The following SCFD1 variants were observed in gnomAD, a reference collection of about 807,000 sequenced individuals.
SCFD1 encodes the protein sec1 family domain containing 1.
Under a neutral mutation model 103.2 loss-of-function variants are expected in SCFD1, and 37 were observed. The ratio of observed to expected loss-of-function variants is 0.36; its 90% CI spans 0.28 to 0.47. SCFD1 has a LOEUF of 0.47. Among genes scored for constraint, SCFD1 ranks in the 20% least tolerant of loss-of-function variants. The pLI, the probability that SCFD1 is intolerant of heterozygous loss-of-function variation, is 1.00. For synonymous variants in SCFD1, 264 were observed against 245.0 expected (o/e 1.08, Z -0.73); for missense variants, 639 against 761.2 (o/e 0.84, Z 1.89).
At chr14:30,704,720 C>A (rs1336219552) in intron 17 of SCFD1, among the ~76,000 whole-genome samples, 2 of 152,008 alleles carry the variant, frequency 1.3e-5, no homozygotes, top group African/African-American at 4.8e-5. Flanking sequence ...ATAAAATTTT[C>A]TTTAGGTACT....
intron 23 of SCFD1, among the ~76,000 whole-genome samples, chr14:30,724,442 G>A (rs538245161): frequency 6.6e-6 from 1 of 151,668 alleles, no homozygotes; most frequent in East Asian, 1.9e-4. Context: ...TAGTAGACAC[G>A]GAGTTACACC....
At chr14:30,648,827 A>T (rs1354678175) in intron 7 of SCFD1, among the ~76,000 whole-genome samples, 2 of 152,086 alleles carry the variant, frequency 1.3e-5, no homozygotes, top group African/African-American at 4.8e-5. Context: ...TTGCCAAATT[A>T]GCCAGGCTTG....
At chr14:30,720,251 G>A (rs1467743638) in intron 21 of SCFD1, among the ~76,000 whole-genome samples, 4 of 152,120 alleles carry the variant, frequency 2.6e-5, no homozygotes, top group African/African-American at 9.7e-5. Context: ...TGGCAAGAGA[G>A]AATTTGACAA....
intron 22 of SCFD1, 111 bp from the exon 23 acceptor site, chr14:30,722,383 G>C: frequency 1.5e-6 from 1 of 652,548 alleles, no homozygotes; most frequent in Non-Finnish European, 2.5e-6. Context: ...AATTAAAATA[G>C]CATCAGGGGC....
At chr14:30,677,693 T>C (rs1038498339) in intron 14 of SCFD1, among the ~76,000 whole-genome samples, 5 of 152,070 alleles carry the variant, frequency 3.3e-5, no homozygotes, top group African/African-American at 1.2e-4. Flanking sequence ...ACCATTACTA[T>C]GTTAAGCCAC....
intron 10 of SCFD1, among the ~76,000 whole-genome samples, chr14:30,667,436 T>C (rs961524426): frequency 1.3e-5 from 2 of 152,006 alleles, no homozygotes; most frequent in Non-Finnish European, 2.9e-5. Flanking sequence ...ATGACAAACC[T>C]ACAGCCAATA....
intron 1 of SCFD1, among the ~76,000 whole-genome samples, chr14:30,624,807 C>T (rs950531006): frequency 6.6e-6 from 1 of 152,058 alleles, no homozygotes; most frequent in African/African-American, 2.4e-5. Flanking sequence ...GCTTTTGGAC[C>T]TCACTCCCTA....
intron 10 of SCFD1, among the ~76,000 whole-genome samples, chr14:30,659,645 A>C (rs1449237905): frequency 6.6e-6 from 1 of 152,232 alleles, no homozygotes; most frequent in Non-Finnish European, 1.5e-5. Context: ...TTTAATAAAA[A>C]TGAACAAGCT....
At chr14:30,729,906 C>T (rs946983162) in intron 23 of SCFD1, among the ~76,000 whole-genome samples, 2 of 151,552 alleles carry the variant, frequency 1.3e-5, no homozygotes, top group African/African-American at 2.4e-5. Context: ...GTGTGCACAA[C>T]GTGCAGGTTT....
chr14:30,646,360 A>G (rs1167534312), intron 7 of SCFD1, among the ~76,000 whole-genome samples: 2 of 150,540 alleles, frequency 1.3e-5, no homozygotes, highest in Non-Finnish European at 2.9e-5. Context: ...TTTTTTCAAA[A>G]GCCTTTTCTG....
At chr14:30,693,799 GT>G (rs1890488332) in intron 14 of SCFD1, among the ~76,000 whole-genome samples, 2 of 151,976 alleles carry the variant, frequency 1.3e-5, no homozygotes, top group African/African-American at 4.8e-5. Flanking sequence ...TATAAAAATT[GT>G]TTTTATAATT....
intron 1 of SCFD1, among the ~76,000 whole-genome samples, chr14:30,623,846 G>GTA (rs1883105337): frequency 6.6e-6 from 1 of 152,050 alleles, no homozygotes; most frequent in Non-Finnish European, 1.5e-5. Flanking sequence ...GTAAATCCTT[G>GTA]TATATATATT....
At chr14:30,684,804 T>TTTC (rs71443379) in intron 14 of SCFD1, among the ~76,000 whole-genome samples, 1 of 44,278 alleles carries the variant, frequency 2.3e-5, no homozygotes, top group African/African-American at 3.4e-4. Flanking sequence ...CAATTGTTTC[T>TTTC]TTTTTTTTTT....
intron 18 of SCFD1, among the ~76,000 whole-genome samples, chr14:30,706,227 C>A (rs1378660396): frequency 6.6e-6 from 1 of 152,100 alleles, no homozygotes; most frequent in South Asian, 2.1e-4. Flanking sequence ...ATGTCTTTTA[C>A]ATGGTATGAG....
intron 6 of SCFD1, among the ~76,000 whole-genome samples, chr14:30,642,866 T>C (rs1885422039): frequency 6.6e-6 from 1 of 152,154 alleles, no homozygotes; most frequent in African/African-American, 2.4e-5. Flanking sequence ...CAGATATTTA[T>C]TCATTTAAAA....
chr14:30,681,220 C>CAAA (rs34998524), intron 14 of SCFD1, among the ~76,000 whole-genome samples: 5 of 98,270 alleles, frequency 5.1e-5, no homozygotes, highest in East Asian at 2.4e-4. Context: ...GACTCTGTCT[C>CAAA]AAAAAAAAAA....
At chr14:30,717,160 C>T (rs543826993) in intron 20 of SCFD1, among the ~76,000 whole-genome samples, 205 of 152,206 alleles carry the variant, frequency 1.3e-3, no homozygotes, top group Non-Finnish European at 2.3e-3. Context: ...TAGACAGGTG[C>T]CAAATACACA....
intron 15 of SCFD1, 31 bp downstream of exon 15, chr14:30,694,900 G>C: frequency 1.3e-6 from 2 of 1,564,514 alleles, no homozygotes; most frequent in Non-Finnish European, 1.7e-6. Context: ...GTTAATGTAA[G>C]TTTCATATCT....
chr14:30,674,587 G>A (rs959111239), intron 13 of SCFD1, among the ~76,000 whole-genome samples: 2 of 152,052 alleles, frequency 1.3e-5, no homozygotes, highest in Non-Finnish European at 2.9e-5. Context: ...GGCGGAGGTT[G>A]CAGTGAGCCG....
Sources: gnomAD v4.1 joint callset for allele counts (sites outside exome capture counted in the v4.1 genomes callset) on GRCh38, gnomAD v4.1.1 for gene constraint, MANE v1.5 for transcripts, NCBI Gene and HGNC (gene_info 2026-07-23, HGNC 2026-07-21) for gene names.